The following CYP4F8 variants were observed in gnomAD, a reference collection of about 807,000 sequenced individuals.
The protein encoded by CYP4F8 is cytochrome P450 family 4 subfamily F member 8.
A neutral mutation model predicts 55.0 loss-of-function variants in CYP4F8; 56 were observed. The ratio of observed to expected loss-of-function variants is 1.02; its 90% CI spans 0.82 to 1.27. CYP4F8 has a LOEUF of 1.27. Ranked by LOEUF, CYP4F8 falls within the 50% of genes most tolerant of loss-of-function variation. The probability of loss-of-function intolerance (pLI) is 0.00; values close to 1 mark genes in which losing one functional copy is unlikely to be tolerated. For missense variants in CYP4F8, 680 were observed against 682.4 expected (o/e 1.00, Z 0.04); for synonymous variants, 288 against 267.3 (o/e 1.08, Z -0.76).
chr19:15,616,313 T>C (rs62106282), intron 2 of CYP4F8, among the ~76,000 whole-genome samples: 113,291 of 140,588 alleles, frequency 0.81, 50,587 homozygotes, highest in Non-Finnish European at 0.82. Context: ...TTCCTCTCCT[T>C]GCTCACTCAT....
At chr19:15,628,944 G>A in intron 12 of CYP4F8, 101 bp downstream of exon 12, 1 of 1,373,698 alleles carries the variant, frequency 7.3e-7, no homozygotes, top group Non-Finnish European at 9.9e-7. Flanking sequence ...TCTGTGATAG[G>A]GGTTTTAAAG....
intron 3 of CYP4F8, chr19:15,618,623 G>A (rs1479173939): frequency 2.6e-5 from 8 of 304,880 alleles, no homozygotes; most frequent in African/African-American, 4.3e-5. Context: ...GTGATGCAGT[G>A]GGCATTGTTA....
chr19:15,624,173 A>T, intron 9 of CYP4F8, 79 bp downstream of exon 9: 1 of 1,563,536 alleles, frequency 6.4e-7, no homozygotes, highest in Non-Finnish European at 8.7e-7. Context: ...GGTGGGGGAA[A>T]AGGGGAGGAT....
intron 3 of CYP4F8, chr19:15,619,276 G>A: frequency 1.8e-6 from 1 of 567,956 alleles, no homozygotes; most frequent in Non-Finnish European, 3.1e-6. Flanking sequence ...GCTGTACCAT[G>A]TCAGGGTGTA....
chr19:15,624,316 C>G (rs4646529), intron 9 of CYP4F8, among the ~76,000 whole-genome samples: 70,252 of 151,928 alleles, frequency 0.46, 17,002 homozygotes, highest in Non-Finnish European at 0.53. Context: ...CACTAACTTG[C>G]TATGCAAGCT....
chr19:15,622,817 G>A, intron 6 of CYP4F8: 1 of 490,324 alleles, frequency 2.0e-6, no homozygotes, highest in South Asian at 2.2e-5. Flanking sequence ...AGGGAGAGGA[G>A]GTCTGAGTTT....
intron 2 of CYP4F8, among the ~76,000 whole-genome samples, chr19:15,617,008 C>T (rs952094159): frequency 2.6e-5 from 4 of 152,180 alleles, no homozygotes; most frequent in Non-Finnish European, 5.9e-5. Context: ...CCCCTGGGGG[C>T]TGCTGAGAAA....
chr19:15,615,341 T>C (rs1402447730), intron 1 of CYP4F8, 61 bp downstream of exon 1: 10 of 322,068 alleles, frequency 3.1e-5, no homozygotes, highest in Non-Finnish European at 5.1e-5. Flanking sequence ...CTGGGATGGC[T>C]CCAGGGAGCT....
Position 15,615,761 on chromosome 19 carries a change from C to T in CYP4F8, c.145C>T (p.Arg49Trp), listed in dbSNP as rs142201626. Residue 49 changes from arginine (R) to tryptophan (W), a missense_variant, in exon 2 of 13, where the codon CGG (arginine) becomes TGG (tryptophan). Transcript: ENST00000612078. ...CTTCTATCACAACGGCCGCCGCCTC[C>T]GGTGTTTCCCGCAGCCCCGGAAACA... ...YAFYHNGRRL[R>W]CFPQPRKQNW... is the part of the protein sequence containing the mutation. The T allele has an allele frequency of 4.5e-4, 729 of 1,613,984 alleles. 2 individuals are homozygous for T. In the African/African-American group the frequency reaches 5.0e-3, roughly 11 times the overall value.
intron 3 of CYP4F8, chr19:15,618,582 G>A (rs888605519): frequency 3.0e-6 from 1 of 331,320 alleles, no homozygotes; most frequent in African/African-American, 2.2e-5. Context: ...GGAACGATGA[G>A]TGATAATTTT....
chr19:15,629,481 G>A lies in CYP4F8; in HGVS notation c.*123G>A. Reference sequence around the variant, plus strand: ...CTCAGTCCCGCGGATGGCCAGTAGGGGGCGCTGGAGGACTGCGGGGATCTA... The same window carrying A: ...CTCAGTCCCGCGGATGGCCAGTAGGAGGCGCTGGAGGACTGCGGGGATCTA... On this transcript the variant is annotated 3_prime_UTR_variant, in exon 13 of 13. Coordinates refer to ENST00000612078, the MANE Select transcript of CYP4F8 (RefSeq NM_007253.4). 7.5e-7 allele frequency: 1 copy of A among 1,337,832 alleles called. No individual in the cohort carries two copies. The highest frequency in any genetic ancestry group is 1.6e-5 in the South Asian group (1 of 64,244). 82.9% of individuals were successfully genotyped at this position (1,337,832 alleles called of 1,614,324 possible).
Position 15,623,178 on chromosome 19 carries a change from C to G in CYP4F8, c.721C>G (p.Arg241Gly), listed in dbSNP as rs756196035. ...LVVKRNNQFF[R>G]YKDFLYFLTP... ...AGTGAAACGGAATAACCAGTTCTTC[C>G]GGTACAAGGACTTCCTGTACTTCCT... The change falls in exon 7 of 13, where the codon CGG becomes GGG. Residue 241 changes from arginine to glycine, a missense_variant. Physicochemically the swap from Arg to Gly is moderately radical, Grantham distance 125. Coordinates refer to ENST00000612078, the MANE Select transcript of CYP4F8 (RefSeq NM_007253.4). 1.6e-5 allele frequency: 26 copies of G among 1,614,028 alleles called. No homozygotes were observed. Among genetic ancestry groups the G allele is most frequent in the Non-Finnish European group, 2.2e-5 (26 of 1,179,988 alleles).
chr19:15,628,281 A>T (rs750344175), intron 9 of CYP4F8, 21 bp from the exon 10 acceptor site: 1 of 1,613,778 alleles, frequency 6.2e-7, no homozygotes, highest in Non-Finnish European at 8.5e-7. Flanking sequence ...CTCTCTGGAT[A>T]ATTGTTGGGT....
At position 15,628,347 on chromosome 19, in the gene CYP4F8, G is replaced by A; in HGVS notation, c.1161G>A (p.Glu387=). The A allele has an allele frequency of 1.2e-6, 2 of 1,614,092 alleles. No homozygotes were observed. Among genetic ancestry groups the A allele is most frequent in the Non-Finnish European group, 8.5e-7 (1 of 1,180,020 alleles). The change falls in exon 10 of 13, where the codon GAG becomes GAA. Residue 387 remains glutamate, a synonymous_variant. Transcript: ENST00000612078. ...CCTTCCTGACCATGTGCCTGAAGGAGAGCCTGCGGTTGCATCCCCCAATCC... is the reference window on the plus strand; with the variant it reads ...CCTTCCTGACCATGTGCCTGAAGGAAAGCCTGCGGTTGCATCCCCCAATCC... ...QLPFLTMCLK[E]SLRLHPPIPT...
chr19:15,622,031 C>A, intron 5 of CYP4F8, 188 bp from the exon 6 acceptor site: 2 of 699,972 alleles, frequency 2.9e-6, no homozygotes, highest in Non-Finnish European at 4.4e-6. Flanking sequence ...TGAACCCAGC[C>A]ATGGGATCTT....
Position 15,615,682 on chromosome 19 carries a change from G to T in CYP4F8, c.66G>T (p.Leu22=). The T allele has an allele frequency of 6.2e-7, 1 of 1,614,018 alleles. No individual in the cohort carries two copies. The highest frequency in any genetic ancestry group is 2.2e-5 in the East Asian group (1 of 44,872). The part of the protein sequence containing the change: ...RPVAASPWLL[L]LVVGASWLLA... ...TGGCAGCATCCCCGTGGCTGCTCCTGCTGGTGGTCGGGGCCTCCTGGCTCC... is the reference window on the plus strand; with the variant it reads ...TGGCAGCATCCCCGTGGCTGCTCCTTCTGGTGGTCGGGGCCTCCTGGCTCC... The change falls in exon 2 of 13, where the codon CTG becomes CTT. Residue 22 remains leucine, a synonymous_variant. Coordinates refer to ENST00000612078, the MANE Select transcript of CYP4F8 (RefSeq NM_007253.4).
intron 7 of CYP4F8, 27 bp downstream of exon 7, chr19:15,623,402 A>C (rs1421036385): frequency 6.8e-6 from 11 of 1,609,310 alleles, no homozygotes; most frequent in Non-Finnish European, 9.3e-6. Flanking sequence ...TCTGAATTCA[A>C]GAGGTAAAAT....
At chr19:15,623,855 C>T in intron 8 of CYP4F8, 90 bp downstream of exon 8, 1 of 1,595,942 alleles carries the variant, frequency 6.3e-7, no homozygotes, top group South Asian at 1.1e-5. Flanking sequence ...TTCATTCTGC[C>T]CAACCTCCCC....
chr19:15,620,080 T>C (rs977136151), intron 5 of CYP4F8, among the ~76,000 whole-genome samples: 1 of 152,156 alleles, frequency 6.6e-6, no homozygotes, highest in Non-Finnish European at 1.5e-5. Context: ...TCAAAACTAA[T>C]TGGTTTAGAG....
Sources: allele counts gnomAD v4.1 joint callset (sites outside exome capture counted in the v4.1 genomes callset), GRCh38; gene constraint gnomAD v4.1.1; transcripts MANE v1.5; gene names NCBI Gene and HGNC (gene_info 2026-07-23, HGNC 2026-07-21).